The following NTNG2 variants were observed in gnomAD, a reference collection of about 807,000 sequenced individuals.
The protein encoded by NTNG2 is netrin G2.
NTNG2 carries 15 observed loss-of-function variants against 47.6 expected under a neutral mutation model. The observed-to-expected ratio is 0.32, with a 90% CI of 0.21 to 0.49. The LOEUF (loss-of-function observed/expected upper bound fraction) is 0.49. Among genes scored for constraint, NTNG2 ranks in the 20% least tolerant of loss-of-function variants. The pLI is 0.99. For missense variants in NTNG2, 578 were observed against 764.6 expected, an observed-to-expected ratio of 0.76 and a Z score of 2.88; for synonymous variants, 307 against 324.6, an observed-to-expected ratio of 0.95 and a Z score of 0.58.
chr9:132,163,638 G>T lies in NTNG2; in HGVS notation c.-484+1399G>T, dbSNP rs1205524166. On this transcript the variant is annotated intron_variant, in intron 1 of 7. Coordinates refer to ENST00000393229, the MANE Select transcript of NTNG2 (RefSeq NM_032536.4). This position sits in a 1 kb window ranked among gnomAD's most constrained non-coding sequence, Gnocchi z 7.2. ...CGGGGTGGGCTGAGTATCCCCCCTA[G>T]CCCCGGGAGCCCCCAGCGCCCTCCC... 6.6e-6 allele frequency among the ~76,000 whole-genome samples: 1 copy of T among 151,960 alleles called. No individual in the cohort carries two copies. The highest frequency in any genetic ancestry group is 2.4e-5 in the African/African-American group (1 of 41,380).
Position 132,218,506 on chromosome 9 carries a change from G to GT in NTNG2, c.858-8336dup, listed in dbSNP as rs1485134020. ...TTTTTTTGTTTTTTTTGTTTTTCTGGTTTTTTTGAGACCAAGTGTTGCTCT... is the reference window on the plus strand; with the variant it reads ...TTTTTTTGTTTTTTTTGTTTTTCTGGTTTTTTTTGAGACCAAGTGTTGCTCT... On this transcript the variant is annotated intron_variant, in intron 3 of 7. Transcript: ENST00000393229. The surrounding 1 kb of genome is among the most constrained non-coding windows in gnomAD (Gnocchi z 5.4). 6.6e-6 allele frequency among the ~76,000 whole-genome samples: 1 copy of GT among 151,848 alleles called. No homozygotes were observed. Among genetic ancestry groups the GT allele is most frequent in the Non-Finnish European group, 1.5e-5 (1 of 67,976 alleles).
At chr9:132,213,331 C>CAAAAAAA (rs61393543) in intron 3 of NTNG2, among the ~76,000 whole-genome samples, 3 of 104,370 alleles carry the variant, frequency 2.9e-5, no homozygotes, top group East Asian at 3.0e-4. Context: ...GACTCCATCT[C>CAAAAAAA]AAAAAAAAAA....
intron 3 of NTNG2, among the ~76,000 whole-genome samples, chr9:132,199,318 C>CTCACAGAACTCAGCAA (rs1838566766): frequency 6.6e-6 from 1 of 152,156 alleles, no homozygotes; most frequent in African/African-American, 2.4e-5. Flanking sequence ...ACTAGAAAAT[C>CTCACAGAACTCAGCAA]TCACAGAACT....
At chr9:132,206,046 C>T (rs1347140436) in intron 3 of NTNG2, among the ~76,000 whole-genome samples, 1 of 152,088 alleles carries the variant, frequency 6.6e-6, no homozygotes, top group African/African-American at 2.4e-5. Context: ...TGCCTCCTTC[C>T]CACCTCCACA....
At chr9:132,206,066 C>A (rs186740936) in intron 3 of NTNG2, among the ~76,000 whole-genome samples, 35 of 152,222 alleles carry the variant, frequency 2.3e-4, no homozygotes, top group Admixed American at 5.9e-4. Flanking sequence ...AAAATGGAGA[C>A]AATCACCCTG....
In NTNG2 at chr9:132,226,982, G is replaced by A. The variant is rs1161045190; in HGVS notation, c.991G>A (p.Gly331Ser). The change falls in exon 4 of 8, where the codon GGC becomes AGC. Residue 331 changes from glycine to serine, a missense_variant. Physicochemically the swap from Gly to Ser is moderately conservative, Grantham distance 56. Transcript: ENST00000393229. The surrounding 1 kb of genome is among the most constrained non-coding windows in gnomAD (Gnocchi z 4.8). The stretch of plus-strand genomic sequence containing the variant: ...TTTCCGCACCCGGTCCTGGCGGGCC[G>A]GCTCCTACCTGCCGCTGCCCCATGG... ...KNFRTRSWRA[G>S]SYLPLPHGSP... The A allele has an allele frequency of 7.5e-6, 12 of 1,610,038 alleles. No homozygotes were observed. The highest frequency in any genetic ancestry group is 3.3e-5 in the South Asian group (3 of 90,972).
rs1835512851 is a variant in NTNG2 at position 132,166,549 on chromosome 9, G to C, written c.-283G>C. On this transcript the variant is annotated 5_prime_UTR_variant, in exon 2 of 8. Coordinates refer to ENST00000393229, the MANE Select transcript of NTNG2 (RefSeq NM_032536.4). Reference sequence around the variant, plus strand: ...TGATTTGATCAGATTCACCTCCAGGGGAGGTGTGATACCAGGGTTAGGAGG... The same window carrying C: ...TGATTTGATCAGATTCACCTCCAGGCGAGGTGTGATACCAGGGTTAGGAGG... The C allele has an allele frequency of 1.9e-5, 9 of 472,754 alleles. No homozygotes were observed. Among genetic ancestry groups the C allele is most frequent in the Non-Finnish European group, 7.8e-6 (2 of 256,564 alleles). The allele number at this position is 472,754 out of a possible 1,614,324, so 29.3% of individuals were successfully genotyped here. A position where few individuals can be genotyped will look rare whatever the true frequency, so the allele number is the denominator to read the frequency against.
chr9:132,223,421 G>T (rs1840496930), intron 3 of NTNG2, among the ~76,000 whole-genome samples: 1 of 152,170 alleles, frequency 6.6e-6, no homozygotes, highest in Non-Finnish European at 1.5e-5. Context: ...ATATGAGGGA[G>T]GCCGGATGCG....
At chr9:132,184,229 C>T (rs1476083438) in intron 2 of NTNG2, among the ~76,000 whole-genome samples, 2 of 152,190 alleles carry the variant, frequency 1.3e-5, no homozygotes, top group East Asian at 1.9e-4. Flanking sequence ...AAGAAACCCT[C>T]GGAGGTCGCA....
chr9:132,184,181 C>T (rs575314699), intron 2 of NTNG2, among the ~76,000 whole-genome samples: 8 of 152,280 alleles, frequency 5.3e-5, no homozygotes, highest in African/African-American at 1.7e-4. Flanking sequence ...ACTCTTTCAT[C>T]GGCCCCACCG....
intron 6 of NTNG2, among the ~76,000 whole-genome samples, chr9:132,240,089 C>T (rs1284074914): frequency 6.6e-6 from 1 of 152,250 alleles, no homozygotes; most frequent in Admixed American, 6.5e-5. Flanking sequence ...CAGGGGCTGT[C>T]CCCCAACCCT....
chr9:132,169,771 C>T (rs916805007), intron 2 of NTNG2, among the ~76,000 whole-genome samples: 6 of 152,246 alleles, frequency 3.9e-5, no homozygotes, highest in African/African-American at 1.4e-4. Context: ...AGTAGGTACT[C>T]AGTGTGCAAT....
rs191846587 is a variant in NTNG2, at chr9:132,243,223, C to T, written c.*1112C>T. The T allele has an allele frequency of 6.6e-6, 1 of 152,312 alleles. No homozygotes were observed. The highest frequency in any genetic ancestry group is 1.5e-5 in the Non-Finnish European group (1 of 68,042). The allele number at this position is 152,312 out of a possible 1,614,324, so 9.4% of individuals were successfully genotyped here. ...CGGTGGCCACCTCCGATGGATGTGT[C>T]ATCTCAGACCTGTTGCAGCCGGAGC... On this transcript the variant is annotated 3_prime_UTR_variant, in exon 8 of 8. Transcript: ENST00000393229.
At chr9:132,181,507 G>A (rs1167149039) in intron 2 of NTNG2, among the ~76,000 whole-genome samples, 2 of 151,854 alleles carry the variant, frequency 1.3e-5, no homozygotes, top group Non-Finnish European at 2.9e-5. Context: ...TTTTAGTAGA[G>A]ACAAAGTTTC....
At chr9:132,235,569 G>A (rs1321042457) in intron 5 of NTNG2, among the ~76,000 whole-genome samples, 1 of 152,188 alleles carries the variant, frequency 6.6e-6, no homozygotes, top group Non-Finnish European at 1.5e-5. Flanking sequence ...GGGGTGCGGG[G>A]CTGTGATGCC....
intron 6 of NTNG2, 104 bp downstream of exon 6, chr9:132,239,375 G>T: frequency 9.2e-7 from 1 of 1,091,062 alleles, no homozygotes; most frequent in Admixed American, 2.2e-5. Context: ...ATCACCTGGG[G>T]AGACTGTGGG....
intron 2 of NTNG2, among the ~76,000 whole-genome samples, chr9:132,167,796 T>G (rs754774220): frequency 2.0e-5 from 3 of 152,172 alleles, no homozygotes; most frequent in Non-Finnish European, 4.4e-5. Context: ...CAGAGATGGT[T>G]GCGTGCGAGC....
chr9:132,241,849 C>G, intron 7 of NTNG2, 27 bp from the exon 8 acceptor site: 2 of 1,506,552 alleles, frequency 1.3e-6, no homozygotes, highest in Non-Finnish European at 1.8e-6. Flanking sequence ...GGCCACCCCC[C>G]GTGCTGACCG....
At chr9:132,205,607 G>A (rs1261713184) in intron 3 of NTNG2, among the ~76,000 whole-genome samples, 3 of 152,322 alleles carry the variant, frequency 2.0e-5, no homozygotes, top group East Asian at 1.9e-4. Context: ...GTGGCTGGGC[G>A]CGGTGGCTCA....
Sources: gnomAD v4.1 joint callset for allele counts (sites outside exome capture counted in the v4.1 genomes callset) on GRCh38, gnomAD v4.1.1 for gene constraint, Gnocchi (gnomAD v3.1) non-coding constraint, MANE v1.5 for transcripts, NCBI Gene and HGNC (gene_info 2026-07-23, HGNC 2026-07-21) for gene names.